The following SHC4 variants were observed in gnomAD, a reference collection of about 807,000 sequenced individuals.
SHC4 encodes the protein SHC adaptor protein 4, also known as SHC-transforming protein 4.
Under a neutral mutation model 69.4 loss-of-function variants are expected in SHC4, and 41 were observed. That is an observed-to-expected ratio of 0.59 (90% CI 0.46 to 0.77). The LOEUF is 0.77. Ranked by LOEUF, SHC4 falls within the 30% of genes least tolerant of loss-of-function variation. SHC4 has a pLI of 0.00. For synonymous variants in SHC4, 318 were observed against 299.3 expected (o/e 1.06, Z -0.64); for missense variants, 777 against 783.8 (o/e 0.99, Z 0.10).
At chr15:48,909,501 C>T (rs1900469541) in intron 2 of SHC4, among the ~76,000 whole-genome samples, 1 of 152,040 alleles carries the variant, frequency 6.6e-6, no homozygotes, top group Admixed American at 6.6e-5. Flanking sequence ...CGTCAGCAAG[C>T]AGTGACAGTT....
intron 11 of SHC4, 79 bp from the exon 12 acceptor site, chr15:48,826,205 G>T: frequency 6.7e-6 from 9 of 1,348,518 alleles, no homozygotes; most frequent in Non-Finnish European, 9.1e-6. Flanking sequence ...GGGGGAAAAT[G>T]CCAGATATAT....
intron 1 of SHC4, among the ~76,000 whole-genome samples, chr15:48,958,059 A>C: frequency 6.6e-6 from 1 of 152,254 alleles, no homozygotes; most frequent in East Asian, 1.9e-4. Flanking sequence ...TCCAGCCTCA[A>C]GAACTGTGAG....
intron 11 of SHC4, among the ~76,000 whole-genome samples, chr15:48,834,208 A>C (rs1898859141): frequency 6.6e-6 from 1 of 151,948 alleles, no homozygotes; most frequent in Non-Finnish European, 1.5e-5. Flanking sequence ...CCATTCTATT[A>C]CTCTGTCTGC....
At chr15:48,956,344 G>A (rs929823534) in intron 1 of SHC4, among the ~76,000 whole-genome samples, 1 of 152,148 alleles carries the variant, frequency 6.6e-6, no homozygotes, top group Non-Finnish European at 1.5e-5. Context: ...GTCTCTCCAG[G>A]AGTCTCCTGG....
chr15:48,950,815 G>A (rs1287426696), intron 1 of SHC4, among the ~76,000 whole-genome samples: 1 of 152,156 alleles, frequency 6.6e-6, no homozygotes, highest in Non-Finnish European at 1.5e-5. Flanking sequence ...GTGTGCTTGG[G>A]TCGCGATGGT....
At chr15:48,851,366 A>G in intron 8 of SHC4, 118 bp from the exon 9 acceptor site, 7 of 923,266 alleles carry the variant, frequency 7.6e-6, no homozygotes, top group Non-Finnish European at 1.0e-5. Flanking sequence ...TGACACAGGA[A>G]ATGTTTGACA....
intron 1 of SHC4, among the ~76,000 whole-genome samples, chr15:48,943,560 A>G (rs34280364): frequency 0.18 from 27,671 of 152,112 alleles, 3,162 homozygotes; most frequent in Non-Finnish European, 0.25. Context: ...TACAATGAAC[A>G]CGGGGGTGCA....
At chr15:48,897,041 G>A (rs890103124) in intron 2 of SHC4, among the ~76,000 whole-genome samples, 2 of 152,236 alleles carry the variant, frequency 1.3e-5, no homozygotes, top group Admixed American at 6.5e-5. Flanking sequence ...CATTCTTGCA[G>A]CCCAAGCAGC....
intron 1 of SHC4, among the ~76,000 whole-genome samples, chr15:48,951,807 A>G (rs893834796): frequency 3.9e-5 from 6 of 152,204 alleles, no homozygotes; most frequent in African/African-American, 1.2e-4. Flanking sequence ...CTGAACTCCC[A>G]TAATCCTTCA....
chr15:48,875,363 T>C (rs988399924), intron 4 of SHC4, among the ~76,000 whole-genome samples: 3 of 152,250 alleles, frequency 2.0e-5, no homozygotes, highest in African/African-American at 7.2e-5. Flanking sequence ...ACTGAGAGCA[T>C]CATTCTTAGT....
At chr15:48,852,053 CT>C (rs1248648507) in intron 8 of SHC4, among the ~76,000 whole-genome samples, 2 of 152,212 alleles carry the variant, frequency 1.3e-5, no homozygotes, top group Non-Finnish European at 2.9e-5. Flanking sequence ...ATCAATAAAC[CT>C]GAGTAAATCA....
At chr15:48,939,524 A>C (rs974613320) in intron 1 of SHC4, among the ~76,000 whole-genome samples, 1 of 152,244 alleles carries the variant, frequency 6.6e-6, no homozygotes, top group Non-Finnish European at 1.5e-5. Context: ...ATCTGCCCAC[A>C]CAATTCAATG....
intron 8 of SHC4, among the ~76,000 whole-genome samples, chr15:48,854,112 C>T (rs1899266423): frequency 1.3e-5 from 2 of 152,014 alleles, no homozygotes; most frequent in South Asian, 2.1e-4. Context: ...CTATAAGAAA[C>T]TTAATTCAAC....
At chr15:48,877,230 C>G (rs1899823241) in intron 4 of SHC4, 2 of 180,344 alleles carry the variant, frequency 1.1e-5, no homozygotes, top group South Asian at 3.6e-4. Context: ...CCTCGGGTGT[C>G]ACTGTGTCTC....
intron 1 of SHC4, among the ~76,000 whole-genome samples, chr15:48,954,672 G>A (rs75560781): frequency 4.6e-5 from 7 of 152,364 alleles, no homozygotes; most frequent in Admixed American, 4.6e-4. Context: ...ACTTAGGGAA[G>A]AAAGTTCTGC....
chr15:48,894,710 T>C (rs1900192915), intron 2 of SHC4, among the ~76,000 whole-genome samples: 1 of 152,130 alleles, frequency 6.6e-6, no homozygotes, highest in Admixed American at 6.5e-5. Flanking sequence ...TAAAGCCTTT[T>C]AGAATGGTGC....
intron 1 of SHC4, among the ~76,000 whole-genome samples, chr15:48,926,062 C>A (rs1230755638): frequency 6.6e-6 from 1 of 152,106 alleles, no homozygotes; most frequent in African/African-American, 2.4e-5. Flanking sequence ...GGTTTGGGAG[C>A]TGTTGACTTA....
intron 11 of SHC4, among the ~76,000 whole-genome samples, chr15:48,828,834 A>T (rs756084686): frequency 6.6e-6 from 1 of 152,134 alleles, no homozygotes; most frequent in African/African-American, 2.4e-5. Context: ...TATTCATTCA[A>T]GTCCTTTGCC....
At chr15:48,840,873 C>T (rs1327052515) in intron 10 of SHC4, among the ~76,000 whole-genome samples, 1 of 151,880 alleles carries the variant, frequency 6.6e-6, no homozygotes, top group African/African-American at 2.4e-5. Flanking sequence ...GTACCAAAGG[C>T]CTAAATTATT....
Sources: allele counts gnomAD v4.1 joint callset (sites outside exome capture counted in the v4.1 genomes callset), GRCh38; gene constraint gnomAD v4.1.1; transcripts MANE v1.5; gene names NCBI Gene and HGNC (gene_info 2026-07-23, HGNC 2026-07-21).